GRK5: variants seen among roughly 807,000 people sequenced by gnomAD.
GRK5 encodes G protein-coupled receptor kinase 5.
GRK5 carries 40 observed loss-of-function variants against 78.4 expected under a neutral mutation model. The ratio of observed to expected loss-of-function variants is 0.51; its 90% CI spans 0.40 to 0.66. The LOEUF (loss-of-function observed/expected upper bound fraction) is 0.66. Ranked by LOEUF, GRK5 falls within the 30% of genes least tolerant of loss-of-function variation. The probability of loss-of-function intolerance (pLI) is 0.00; values close to 1 mark genes in which losing one functional copy is unlikely to be tolerated. For missense variants in GRK5, 598 were observed against 759.9 expected, an observed-to-expected ratio of 0.79 and a Z score of 2.50; for synonymous variants, 289 against 296.8, an observed-to-expected ratio of 0.97 and a Z score of 0.27.
chr10:119,320,541 G>A (rs1178130768), intron 1 of GRK5, among the ~76,000 whole-genome samples: 5 of 152,230 alleles, frequency 3.3e-5, no homozygotes, highest in African/African-American at 1.2e-4. Flanking sequence ...ACACTTCCAT[G>A]GCACGTGGAG....
rs535783407 is a variant in GRK5, at chr10:119,370,852, TGCCACA to T, written c.149-9959_149-9954del. On this transcript the variant is annotated intron_variant, in intron 2 of 15. Transcript: ENST00000392870. ...AGGATCTATCAGGGACCCCCTTCTC[TGCCACA>T]GCCCCCCGTAACCTGGTATTTTGGG... Among the ~76,000 whole-genome samples, 31 of 152,178 alleles carry T rather than the reference TGCCACA, an allele frequency of 2.0e-4. No homozygotes were observed. The South Asian group carries it at 5.8e-3, about 29-fold the overall frequency.
chr10:119,287,164 AGAAGG>A (rs1353400676), intron 1 of GRK5, among the ~76,000 whole-genome samples: 2 of 132,590 alleles, frequency 1.5e-5, no homozygotes, highest in African/African-American at 5.7e-5. Context: ...GAAGGAGAGA[AGAAGG>A]GAGGGAGAGA....
intron 2 of GRK5, among the ~76,000 whole-genome samples, chr10:119,374,435 C>T (rs1851593478): frequency 6.6e-6 from 1 of 152,166 alleles, no homozygotes; most frequent in Non-Finnish European, 1.5e-5. Flanking sequence ...GCACCCAAAC[C>T]TCACCAGGTG....
chr10:119,326,618 T>G lies in GRK5; in HGVS notation c.148+7T>G, dbSNP rs1235410988. 9.3e-6 allele frequency: 15 copies of G among 1,605,090 alleles called. No individual in the cohort carries two copies. The highest frequency in any genetic ancestry group is 1.3e-5 in the Non-Finnish European group (15 of 1,171,876). On this transcript the variant is annotated splice_region_variant and intron_variant, in intron 2 of 15. Coordinates refer to ENST00000392870, the MANE Select transcript of GRK5 (RefSeq NM_005308.3). The stretch of plus-strand genomic sequence containing the variant: ...GACCTCCGAAGGACCATAGGTAAGC[T>G]GTCCTGCCTGGGGGCTGTGCGGGGA...
Position 119,452,860 on chromosome 10 carries a change from G to A in GRK5, c.1542+52G>A, listed in dbSNP as rs559711394. On this transcript the variant is annotated intron_variant, in intron 14 of 15. Transcript: ENST00000392870. The surrounding 1 kb of genome is among the most constrained non-coding windows in gnomAD (Gnocchi z 4.4). ...GTCTGGGTGGGAGGGAGGGACTGACGGGTGGAAGGAGGCGTCGGGAATATG... is the reference window on the plus strand; with the variant it reads ...GTCTGGGTGGGAGGGAGGGACTGACAGGTGGAAGGAGGCGTCGGGAATATG... 56 of 1,563,678 alleles carry A rather than the reference G, an allele frequency of 3.6e-5. 1 individual carries two copies. In the Middle Eastern group the frequency reaches 1.0e-3, roughly 28 times the overall value.
chr10:119,398,456 T>C (rs1239057677), intron 4 of GRK5, among the ~76,000 whole-genome samples: 4 of 152,048 alleles, frequency 2.6e-5, no homozygotes, highest in Non-Finnish European at 5.9e-5. Context: ...CAGAGCTGAA[T>C]AGCGTGAGAG....
chr10:119,265,719 T>A (rs977832274), intron 1 of GRK5, among the ~76,000 whole-genome samples: 1 of 152,216 alleles, frequency 6.6e-6, no homozygotes, highest in Non-Finnish European at 1.5e-5. Flanking sequence ...GGCTCCACTG[T>A]ACTAAAAGCA....
Position 119,459,666 on chromosome 10 carries a change from A to G in GRK5, c.*4599A>G, listed in dbSNP as rs1188382397. ...TGCTGTAACTCTGTGTGTTCCGTCT[A>G]TCGCGTCACAGTGCCGCTGGATCTA... On this transcript the variant is annotated 3_prime_UTR_variant, in exon 16 of 16. Transcript: ENST00000392870. The G allele has an allele frequency of 6.6e-6, 1 of 152,214 alleles. No homozygotes were observed. The highest frequency in any genetic ancestry group is 1.9e-4 in the East Asian group (1 of 5,198). The allele number at this position is 152,214 out of a possible 1,614,324, so 9.4% of individuals were successfully genotyped here. A position where few individuals can be genotyped will look rare whatever the true frequency, so the allele number is the denominator to read the frequency against.
At position 119,459,612 on chromosome 10, in the gene GRK5, C is replaced by T. The variant is rs1853451273; in HGVS notation, c.*4545C>T. ...GGAAACTTCCACAGTGGCGGTCACTCCTGAAGGCAGCGGCTTCTGTTCTCC... is the reference window on the plus strand; with the variant it reads ...GGAAACTTCCACAGTGGCGGTCACTTCTGAAGGCAGCGGCTTCTGTTCTCC... On this transcript the variant is annotated 3_prime_UTR_variant, in exon 16 of 16. Transcript: ENST00000392870. 1 of 152,192 alleles carries T rather than the reference C, an allele frequency of 6.6e-6. No homozygotes were observed. Among genetic ancestry groups the T allele is most frequent in the Non-Finnish European group, 1.5e-5 (1 of 68,042 alleles). The allele number at this position is 152,192 out of a possible 1,614,324, so 9.4% of individuals were successfully genotyped here.
chr10:119,386,648 T>C (rs972037308), intron 3 of GRK5, among the ~76,000 whole-genome samples: 32 of 152,348 alleles, frequency 2.1e-4, no homozygotes, highest in Non-Finnish European at 3.8e-4. Flanking sequence ...CCTTCTGCGT[T>C]TTCATCTGCA....
chr10:119,458,110 C>A lies in GRK5; in HGVS notation c.*3043C>A, dbSNP rs1034393089. Reference sequence around the variant, plus strand: ...GTGAACGGATTTACTCTCGTTCATGCATTTGAGCGCTTCACAGAAGAGTCT... The same window carrying A: ...GTGAACGGATTTACTCTCGTTCATGAATTTGAGCGCTTCACAGAAGAGTCT... On this transcript the variant is annotated 3_prime_UTR_variant, in exon 16 of 16. Transcript: ENST00000392870. The A allele has an allele frequency of 6.6e-6, 1 of 152,240 alleles. No individual in the cohort carries two copies. Among genetic ancestry groups the A allele is most frequent in the Non-Finnish European group, 1.5e-5 (1 of 68,044 alleles). 9.4% of individuals were successfully genotyped at this position (152,240 alleles called of 1,614,324 possible).
intron 1 of GRK5, among the ~76,000 whole-genome samples, chr10:119,285,229 G>A (rs1849828019): frequency 1.3e-5 from 2 of 152,174 alleles, no homozygotes; most frequent in African/African-American, 2.4e-5. Flanking sequence ...TTTGGTGGAG[G>A]TAGGGGGAGC....
chr10:119,436,532 G>A lies in GRK5; in HGVS notation c.739-119G>A. 13 of 981,634 alleles carry A rather than the reference G, an allele frequency of 1.3e-5. 1 individual carries two copies. The South Asian group carries it at 1.8e-4, about 14-fold the overall frequency. 60.8% of individuals were successfully genotyped at this position (981,634 alleles called of 1,614,324 possible). On this transcript the variant is annotated intron_variant, in intron 8 of 15. Coordinates refer to ENST00000392870, the MANE Select transcript of GRK5 (RefSeq NM_005308.3). Reference sequence around the variant, plus strand: ...CACCGCAGAGGCCATCTGGGTGCAGGGGAGCAGGGTGAGGCTCCTCTGTTC... The same window carrying A: ...CACCGCAGAGGCCATCTGGGTGCAGAGGAGCAGGGTGAGGCTCCTCTGTTC...
At chr10:119,210,836 T>C (rs1437514513) in intron 1 of GRK5, among the ~76,000 whole-genome samples, 1 of 152,214 alleles carries the variant, frequency 6.6e-6, no homozygotes, top group East Asian at 1.9e-4. Context: ...GTAAAATAAT[T>C]TGTAGTTGTC....
chr10:119,314,615 A>G (rs1428208535), intron 1 of GRK5, among the ~76,000 whole-genome samples: 14 of 152,218 alleles, frequency 9.2e-5, no homozygotes, highest in Admixed American at 6.5e-5. Flanking sequence ...TTCCTGCCCC[A>G]GGGAACAGTG....
At chr10:119,321,824 G>A (rs991771994) in intron 1 of GRK5, among the ~76,000 whole-genome samples, 20 of 152,154 alleles carry the variant, frequency 1.3e-4, no homozygotes, top group African/African-American at 4.3e-4. Flanking sequence ...CTGCACCCTC[G>A]GCTTGGGGCT....
chr10:119,341,097 C>G (rs1010846886), intron 2 of GRK5, among the ~76,000 whole-genome samples: 1 of 152,160 alleles, frequency 6.6e-6, no homozygotes, highest in Non-Finnish European at 1.5e-5. Flanking sequence ...CCCGATGCCT[C>G]GGCCTCCACA....
rs755472064 is a variant in GRK5, at chr10:119,333,758, T to A, written c.148+7147T>A. On this transcript the variant is annotated intron_variant, in intron 2 of 15. Coordinates refer to ENST00000392870, the MANE Select transcript of GRK5 (RefSeq NM_005308.3). ...TGTTTAGTGAGCACTGAAAACATGC[T>A]GTCCACGGGGGAGCTGAGCGGATCG... 13 of 532,408 alleles carry A rather than the reference T, an allele frequency of 2.4e-5. No individual in the cohort carries two copies. In the East Asian group the frequency reaches 7.1e-4, roughly 29 times the overall value. The allele number at this position is 532,408 out of a possible 1,614,324, so 33.0% of individuals were successfully genotyped here.
intron 2 of GRK5, among the ~76,000 whole-genome samples, chr10:119,337,755 G>A (rs557598252): frequency 1.4e-4 from 22 of 152,016 alleles, no homozygotes; most frequent in Non-Finnish European, 2.8e-4. Context: ...GAGTAGCTGG[G>A]ATTACAGGCA....
Sources: gnomAD v4.1 joint callset for allele counts (sites outside exome capture counted in the v4.1 genomes callset) on GRCh38, gnomAD v4.1.1 for gene constraint, Gnocchi (gnomAD v3.1) non-coding constraint, MANE v1.5 for transcripts, NCBI Gene and HGNC (gene_info 2026-07-23, HGNC 2026-07-21) for gene names.